UNC13C: variants seen among roughly 807,000 people sequenced by gnomAD.
The protein encoded by UNC13C is unc-13 homolog C.
In UNC13C, 174 loss-of-function variants were observed where a neutral mutation model predicts 245.4. That is an observed-to-expected ratio of 0.71 (90% CI 0.63 to 0.80). UNC13C has a LOEUF of 0.80. Among genes scored for constraint, UNC13C ranks in the 30% least tolerant of loss-of-function variants. UNC13C has a pLI of 0.00. For synonymous variants in UNC13C, 992 were observed against 895.1 expected, an observed-to-expected ratio of 1.11 and a Z score of -1.93; for missense variants, 2,829 against 2,602.9, an observed-to-expected ratio of 1.09 and a Z score of -1.89.
chr15:54,384,918 T>C (rs939619548), intron 17 of UNC13C, among the ~76,000 whole-genome samples: 21 of 152,090 alleles, frequency 1.4e-4, no homozygotes, highest in African/African-American at 4.6e-4. Flanking sequence ...ATGCTCAGTA[T>C]CACTAATCAT....
chr15:53,966,730 C>T, the UNC13C span, among the ~76,000 whole-genome samples: 1 of 151,904 alleles, frequency 6.6e-6, no homozygotes. Flanking sequence ...TTTTCTCAGG[C>T]ATGCGGTATG....
intron 2 of UNC13C, among the ~76,000 whole-genome samples, chr15:54,062,262 T>C (rs941026867): frequency 6.7e-6 from 1 of 149,172 alleles, no homozygotes; most frequent in South Asian, 2.1e-4. Context: ...GAGGTTGCAG[T>C]GAGCCGAGAT....
intron 2 of UNC13C, among the ~76,000 whole-genome samples, chr15:54,024,934 A>T (rs1896047631): frequency 8.4e-6 from 1 of 118,828 alleles, no homozygotes; most frequent in African/African-American, 2.7e-5. Flanking sequence ...AAAATAAAAA[A>T]TAATAAAAAA....
At chr15:54,389,462 A>G (rs1400246530) in intron 17 of UNC13C, among the ~76,000 whole-genome samples, 1 of 152,224 alleles carries the variant, frequency 6.6e-6, no homozygotes, top group East Asian at 1.9e-4. Flanking sequence ...AAGTTGGAGA[A>G]CCACAATCTT....
At chr15:54,157,903 A>C (rs959195826) in intron 4 of UNC13C, among the ~76,000 whole-genome samples, 6 of 152,252 alleles carry the variant, frequency 3.9e-5, no homozygotes, top group African/African-American at 1.4e-4. Flanking sequence ...CCATATGTAG[A>C]AAGAGAATTA....
At chr15:54,515,656 T>C (rs1894938720) in intron 24 of UNC13C, among the ~76,000 whole-genome samples, 2 of 152,214 alleles carry the variant, frequency 1.3e-5, no homozygotes, top group South Asian at 2.1e-4. Context: ...CAATATTTTA[T>C]TGGTGCAATC....
At chr15:54,376,869 A>C (rs1257409904) in intron 17 of UNC13C, among the ~76,000 whole-genome samples, 6 of 152,214 alleles carry the variant, frequency 3.9e-5, no homozygotes, top group Non-Finnish European at 7.3e-5. Context: ...TCAGAGTGTT[A>C]CCTGATTTGG....
chr15:54,067,014 C>T (rs1370371349), intron 2 of UNC13C, among the ~76,000 whole-genome samples: 3 of 152,188 alleles, frequency 2.0e-5, no homozygotes, highest in South Asian at 4.2e-4. Context: ...TAAGACATGG[C>T]TTGTTTTGAC....
intron 17 of UNC13C, among the ~76,000 whole-genome samples, chr15:54,389,843 C>T (rs943556054): frequency 6.6e-6 from 1 of 152,094 alleles, no homozygotes; most frequent in African/African-American, 2.4e-5. Context: ...ATTCTCCTGC[C>T]TCAGCCTCCC....
the UNC13C span, among the ~76,000 whole-genome samples, chr15:53,967,635 A>C: frequency 6.6e-6 from 1 of 152,136 alleles, no homozygotes; most frequent in Non-Finnish European, 1.5e-5. Flanking sequence ...TACTCTCTCT[A>C]GTTTCAAGAG....
intron 13 of UNC13C, among the ~76,000 whole-genome samples, chr15:54,302,112 C>A (rs866271384): frequency 6.6e-6 from 1 of 152,028 alleles, no homozygotes. Flanking sequence ...AAGTACATAT[C>A]CTTTGCCCAC....
intron 2 of UNC13C, among the ~76,000 whole-genome samples, chr15:54,122,921 C>A (rs990819010): frequency 1.8e-4 from 27 of 152,012 alleles, no homozygotes; most frequent in African/African-American, 4.8e-4. Flanking sequence ...TGAAATTTCA[C>A]ATTTAAGTAT....
At chr15:53,887,803 G>A in the UNC13C span, among the ~76,000 whole-genome samples, 5 of 152,124 alleles carry the variant, frequency 3.3e-5, no homozygotes, top group South Asian at 2.1e-4. Context: ...AACATGTGGT[G>A]TTTGGTTTTC....
intron 26 of UNC13C, among the ~76,000 whole-genome samples, chr15:54,541,954 A>G (rs888372207): frequency 6.6e-6 from 1 of 152,064 alleles, no homozygotes; most frequent in Non-Finnish European, 1.5e-5. Context: ...ATTGGCGTAT[A>G]CTAAATACAC....
intron 10 of UNC13C, among the ~76,000 whole-genome samples, chr15:54,288,851 C>T (rs889065889): frequency 2.0e-5 from 3 of 152,026 alleles, no homozygotes; most frequent in African/African-American, 7.2e-5. Flanking sequence ...TATCTCTTGG[C>T]TCCTCTGTTC....
chr15:54,099,481 C>A (rs900275299), intron 2 of UNC13C, among the ~76,000 whole-genome samples: 1 of 152,124 alleles, frequency 6.6e-6, no homozygotes, highest in African/African-American at 2.4e-5. Flanking sequence ...ACATTTGCTT[C>A]CTAATACCCC....
rs549547315 is a variant in UNC13C, at chr15:54,097,546, G to A, written c.2984-45472G>A. Reference sequence around the variant, plus strand: ...TCTCCTTTAACTTGTAATGGAATCTGGGCCCCAAGTGAAATGAGTTATTTT... The same window carrying A: ...TCTCCTTTAACTTGTAATGGAATCTAGGCCCCAAGTGAAATGAGTTATTTT... On this transcript the variant is annotated intron_variant, in intron 2 of 32. Transcript: ENST00000260323. Among the ~76,000 whole-genome samples the A allele has an allele frequency of 3.9e-5, 6 of 152,218 alleles. No individual in the cohort carries two copies. The South Asian group carries it at 6.2e-4, about 16-fold the overall frequency.
chr15:54,535,182 C>G (rs1053406300), intron 26 of UNC13C, among the ~76,000 whole-genome samples: 1 of 151,916 alleles, frequency 6.6e-6, no homozygotes, highest in Non-Finnish European at 1.5e-5. Context: ...GAAAAATCTA[C>G]CTAAAAAATG....
At chr15:54,005,634 T>C (rs553255377) in intron 1 of UNC13C, among the ~76,000 whole-genome samples, 7 of 152,346 alleles carry the variant, frequency 4.6e-5, no homozygotes, top group African/African-American at 1.7e-4. Flanking sequence ...AATATCATGG[T>C]TCAGACTATA....
Sources: allele counts gnomAD v4.1 joint callset (sites outside exome capture counted in the v4.1 genomes callset), GRCh38; gene constraint gnomAD v4.1.1; transcripts MANE v1.5; gene names NCBI Gene and HGNC (gene_info 2026-07-23, HGNC 2026-07-21).